The following PRMT3 variants were observed in gnomAD, a reference collection of about 807,000 sequenced individuals.
PRMT3 encodes the protein protein arginine N-methyltransferase 3.
A neutral mutation model predicts 71.9 loss-of-function variants in PRMT3; 62 were observed. That is an observed-to-expected ratio of 0.86 (90% CI 0.70 to 1.07). The LOEUF (loss-of-function observed/expected upper bound fraction) is 1.07. PRMT3 is among the 50% of genes least tolerant of loss of function. The pLI, the probability that PRMT3 is intolerant of heterozygous loss-of-function variation, is 0.00. For missense variants in PRMT3, 663 were observed against 643.0 expected (o/e 1.03, Z -0.34); for synonymous variants, 213 against 220.4 (o/e 0.97, Z 0.30).
At chr11:20,416,394 A>T (rs148750333) in intron 9 of PRMT3, among the ~76,000 whole-genome samples, 1 of 152,308 alleles carries the variant, frequency 6.6e-6, no homozygotes, top group African/African-American at 2.4e-5. Flanking sequence ...GATGAAATTC[A>T]TAGGAATGTA....
At chr11:20,450,130 C>G (rs900713392) in intron 10 of PRMT3, among the ~76,000 whole-genome samples, 1 of 152,052 alleles carries the variant, frequency 6.6e-6, no homozygotes, top group Non-Finnish European at 1.5e-5. Context: ...CAAATCAATA[C>G]AAACTTTTTT....
intron 7 of PRMT3, among the ~76,000 whole-genome samples, chr11:20,398,484 G>T (rs1011525904): frequency 2.0e-5 from 3 of 151,942 alleles, no homozygotes; most frequent in African/African-American, 7.3e-5. Context: ...ATGGAGTCTC[G>T]CTCTGTCACC....
At chr11:20,499,702 G>C in intron 15 of PRMT3, among the ~76,000 whole-genome samples, 1 of 152,120 alleles carries the variant, frequency 6.6e-6, no homozygotes. Flanking sequence ...AAAACAAATG[G>C]TGAGATGATA....
intron 10 of PRMT3, among the ~76,000 whole-genome samples, chr11:20,440,866 G>A (rs996227196): frequency 1.1e-4 from 16 of 151,958 alleles, no homozygotes; most frequent in African/African-American, 2.2e-4. Context: ...AGGTCCTTTC[G>A]TCCTTTTAAC....
In PRMT3 at chr11:20,395,906, G is replaced by A; in HGVS notation, c.504G>A (p.Arg168=). The stretch of plus-strand genomic sequence containing the variant: ...AAAAATTGAAACATATGGAAGCCAG[G>A]GCACTGTCTGCTGAAGCCGCATTGG... The part of the protein sequence containing the change: ...VVEKLKHMEA[R]ALSAEAALAR... The change falls in exon 6 of 16, where the codon AGG becomes AGA. Residue 168 remains arginine (R), a synonymous_variant. Coordinates refer to ENST00000331079, the MANE Select transcript of PRMT3 (RefSeq NM_005788.4). 6.2e-7 allele frequency: 1 copy of A among 1,614,092 alleles called. No individual in the cohort carries two copies. The highest frequency in any genetic ancestry group is 8.5e-7 in the Non-Finnish European group (1 of 1,180,006).
At chr11:20,485,817 T>C (rs1297234161) in intron 13 of PRMT3, among the ~76,000 whole-genome samples, 1 of 152,176 alleles carries the variant, frequency 6.6e-6, no homozygotes. Flanking sequence ...AAAGCAACAA[T>C]TTAAGAAGTC....
chr11:20,419,656 G>A (rs1849382888), intron 9 of PRMT3, among the ~76,000 whole-genome samples: 1 of 152,142 alleles, frequency 6.6e-6, no homozygotes, highest in African/African-American at 2.4e-5. Flanking sequence ...AGTATGAAGT[G>A]GTGGTCCAGT....
At chr11:20,424,015 T>A (rs1167012779) in intron 9 of PRMT3, among the ~76,000 whole-genome samples, 1 of 149,658 alleles carries the variant, frequency 6.7e-6, no homozygotes, top group Non-Finnish European at 1.5e-5. Flanking sequence ...AAACCCCATA[T>A]CTACTGAAAA....
intron 13 of PRMT3, among the ~76,000 whole-genome samples, chr11:20,472,248 T>C (rs1438657215): frequency 6.6e-6 from 1 of 152,088 alleles, no homozygotes; most frequent in African/African-American, 2.4e-5. Context: ...TGAATAGGAG[T>C]GGTGAGAGAG....
At chr11:20,436,282 C>T (rs955792034) in intron 10 of PRMT3, among the ~76,000 whole-genome samples, 4 of 152,114 alleles carry the variant, frequency 2.6e-5, no homozygotes, top group Admixed American at 2.0e-4. Context: ...TTTGGATGTC[C>T]TTTATTTCTT....
rs539128958 is a variant in PRMT3 at position 20,499,469 on chromosome 11, T to A, written c.1486+5215T>A. ...GACCCTGTCTCTAAAGAAAAAAAAT[T>A]TTTTTTAATTAGCCAAGTGTGGTGG... On this transcript the variant is annotated intron_variant, in intron 15 of 15. Coordinates refer to ENST00000331079, the MANE Select transcript of PRMT3 (RefSeq NM_005788.4). Among the ~76,000 whole-genome samples the A allele has an allele frequency of 3.9e-3, 597 of 151,718 alleles. 2 individuals are homozygous for A. Among genetic ancestry groups the A allele is most frequent in the Admixed American group, 8.7e-3 (132 of 15,234 alleles).
rs139556494 is a variant in PRMT3, at chr11:20,420,809, A to C, written c.894-5957A>C. Among the ~76,000 whole-genome samples the C allele has an allele frequency of 2.0e-5, 3 of 152,326 alleles. No homozygotes were observed. In the East Asian group the frequency reaches 5.8e-4, roughly 29 times the overall value. The stretch of plus-strand genomic sequence containing the variant: ...CATTCTCTTTAAGTTCAGGAACAGG[A>C]CAAGGATACCTTTCATCACCTCTTC... On this transcript the variant is annotated intron_variant, in intron 9 of 15. Transcript: ENST00000331079.
At chr11:20,437,023 T>C (rs1323406624) in intron 10 of PRMT3, among the ~76,000 whole-genome samples, 1 of 152,182 alleles carries the variant, frequency 6.6e-6, no homozygotes, top group Non-Finnish European at 1.5e-5. Flanking sequence ...CAGGAATGTA[T>C]CCATTTCCTC....
rs1209299998 is a variant in PRMT3 at position 20,464,549 on chromosome 11, A to G, written c.1347+3A>G. On this transcript the variant is annotated splice_donor_region_variant and intron_variant, in intron 13 of 15. Transcript: ENST00000331079. ...TCACAAGGACATCCATGTGCACGGT[A>G]AGCTATTTCATTCTGCTTTTACAAA... The G allele has an allele frequency of 6.2e-7, 1 of 1,607,158 alleles. No homozygotes were observed. The highest frequency in any genetic ancestry group is 1.1e-5 in the South Asian group (1 of 89,242).
chr11:20,482,429 A>G (rs1047788198), intron 13 of PRMT3, among the ~76,000 whole-genome samples: 2 of 152,098 alleles, frequency 1.3e-5, no homozygotes, highest in Non-Finnish European at 2.9e-5. Context: ...ATTCTGAGAA[A>G]TTAGCAGGAC....
chr11:20,468,329 T>C (rs956590495), intron 13 of PRMT3, among the ~76,000 whole-genome samples: 3 of 152,186 alleles, frequency 2.0e-5, no homozygotes, highest in Admixed American at 6.6e-5. Context: ...AGTTTAAATA[T>C]ATGTATGATA....
At chr11:20,396,127 T>C (rs1848820970) in intron 6 of PRMT3, among the ~76,000 whole-genome samples, 165 bp downstream of exon 6, 1 of 152,258 alleles carries the variant, frequency 6.6e-6, no homozygotes, top group Non-Finnish European at 1.5e-5. Context: ...ACTATGGATA[T>C]AGTTAATTAA....
At chr11:20,411,116 G>C (rs1301422574) in intron 9 of PRMT3, among the ~76,000 whole-genome samples, 3 of 152,066 alleles carry the variant, frequency 2.0e-5, no homozygotes, top group Admixed American at 1.3e-4. Context: ...TTTAAACCCA[G>C]CAATCTAGCA....
chr11:20,427,016 T>TA (rs1218124812), intron 10 of PRMT3, 151 bp downstream of exon 10: 33 of 1,189,846 alleles, frequency 2.8e-5, no homozygotes, highest in Middle Eastern at 2.8e-4. Context: ...ATGTGTAATT[T>TA]AAAAAAATAG....
Sources: allele counts gnomAD v4.1 joint callset (sites outside exome capture counted in the v4.1 genomes callset), GRCh38; gene constraint gnomAD v4.1.1; transcripts MANE v1.5; gene names NCBI Gene and HGNC (gene_info 2026-07-23, HGNC 2026-07-21).